The following CALN1 variants were observed in gnomAD, a reference collection of about 807,000 sequenced individuals.
The protein encoded by CALN1 is calneuron 1.
CALN1 carries 17 observed loss-of-function variants against 30.6 expected under a neutral mutation model. That is an observed-to-expected ratio of 0.56 (90% confidence interval 0.38 to 0.83). CALN1 has a LOEUF of 0.83. CALN1 is among the 40% of genes least tolerant of loss of function. CALN1 has a pLI of 0.00. For synonymous variants in CALN1, 156 were observed against 131.4 expected, an observed-to-expected ratio of 1.19 and a Z score of -1.28; for missense variants, 291 against 354.9, an observed-to-expected ratio of 0.82 and a Z score of 1.45.
At chr7:72,187,553 T>C (rs968218443) in intron 3 of CALN1, among the ~76,000 whole-genome samples, 2 of 152,114 alleles carry the variant, frequency 1.3e-5, no homozygotes, top group African/African-American at 4.8e-5. Context: ...GTGTTCCTTA[T>C]GAGAATCTAA....
At position 71,875,716 on chromosome 7, in the gene CALN1, A is replaced by G. The variant is rs150677277; in HGVS notation, c.502-65224T>C. 2.5e-3 allele frequency among the ~76,000 whole-genome samples: 374 copies of G among 152,342 alleles called. 1 individual carries two copies. Among genetic ancestry groups the G allele is most frequent in the African/African-American group, 7.9e-3 (330 of 41,586 alleles). ...ACCTGTCACTGTCTTTCTAAAGTGA[A>G]AAAGAGGTGGGGTAAGGGGGCCCAG... On this transcript the variant is annotated intron_variant, in intron 5 of 6. Coordinates refer to ENST00000395275, the MANE Select transcript of CALN1 (RefSeq NM_031468.4).
intron 3 of CALN1, among the ~76,000 whole-genome samples, chr7:72,181,172 G>A (rs904534351): frequency 2.1e-5 from 3 of 143,448 alleles, no homozygotes; most frequent in African/African-American, 7.8e-5. Flanking sequence ...AAAGTACCAT[G>A]GAAGTAAGTC....
At chr7:72,081,441 TG>T (rs1179437035) in intron 4 of CALN1, among the ~76,000 whole-genome samples, 1 of 27,706 alleles carries the variant, frequency 3.6e-5, no homozygotes, top group African/African-American at 1.4e-4. Flanking sequence ...TTGGTGTGTG[TG>T]TTTTTTTTCT....
chr7:71,866,568 GT>G (rs2116702005), intron 5 of CALN1, among the ~76,000 whole-genome samples: 1 of 152,152 alleles, frequency 6.6e-6, no homozygotes, highest in African/African-American at 2.4e-5. Flanking sequence ...GCAATATTTG[GT>G]TTTGAATTGT....
chr7:71,823,026 A>G (rs1286090714), intron 5 of CALN1, among the ~76,000 whole-genome samples: 4 of 152,216 alleles, frequency 2.6e-5, no homozygotes, highest in Admixed American at 6.5e-5. Context: ...ACACTTGTGA[A>G]TATTACATTT....
chr7:72,084,637 G>C (rs1212912615), intron 4 of CALN1, among the ~76,000 whole-genome samples: 2 of 151,894 alleles, frequency 1.3e-5, no homozygotes, highest in East Asian at 3.9e-4. Flanking sequence ...CTGGGATTAC[G>C]ATACTTTTGT....
At chr7:72,313,408 T>C (rs778783463) in intron 2 of CALN1, among the ~76,000 whole-genome samples, 31 of 152,144 alleles carry the variant, frequency 2.0e-4, no homozygotes, top group Admixed American at 2.0e-3. Context: ...AAAAAATTCT[T>C]TGAGACAGAG....
At chr7:72,203,079 C>CA (rs1281969170) in intron 3 of CALN1, among the ~76,000 whole-genome samples, 1 of 152,120 alleles carries the variant, frequency 6.6e-6, no homozygotes, top group African/African-American at 2.4e-5. Flanking sequence ...AGCCAACTAA[C>CA]ACAGGAACAG....
At chr7:72,097,864 C>T (rs1806356036) in intron 4 of CALN1, among the ~76,000 whole-genome samples, 1 of 152,056 alleles carries the variant, frequency 6.6e-6, no homozygotes, top group Non-Finnish European at 1.5e-5. Context: ...CAGGTGCCTG[C>T]CACCATGCCC....
chr7:72,050,618 A>G (rs1269818369), intron 4 of CALN1, among the ~76,000 whole-genome samples: 1 of 152,254 alleles, frequency 6.6e-6, no homozygotes, highest in Non-Finnish European at 1.5e-5. Context: ...TATCTTTTAA[A>G]GAAAATGACA....
upstream of CALN1, among the ~76,000 whole-genome samples, chr7:72,415,794 C>T (rs766813721): frequency 3.3e-5 from 5 of 151,970 alleles, no homozygotes; most frequent in Non-Finnish European, 5.9e-5. Flanking sequence ...ACGGGGGGCG[C>T]GGGGGGCATA....
At chr7:72,402,067 T>G (rs1218018542) in intron 2 of CALN1, among the ~76,000 whole-genome samples, 5 of 152,162 alleles carry the variant, frequency 3.3e-5, no homozygotes, top group Non-Finnish European at 5.9e-5. Flanking sequence ...CAACCTTCCT[T>G]GCTCTTCCTT....
intron 4 of CALN1, among the ~76,000 whole-genome samples, chr7:72,062,986 A>C (rs1429816899): frequency 6.6e-6 from 1 of 152,192 alleles, no homozygotes; most frequent in Non-Finnish European, 1.5e-5. Context: ...AGTTTATTTG[A>C]TAAGGTTAAC....
chr7:72,123,713 C>T (rs1808551217), intron 3 of CALN1, among the ~76,000 whole-genome samples: 1 of 152,130 alleles, frequency 6.6e-6, no homozygotes. Flanking sequence ...ATTTTTCAGT[C>T]CATTTGGCCT....
At chr7:71,799,175 GT>G (rs1159582735) in intron 6 of CALN1, among the ~76,000 whole-genome samples, 1 of 152,194 alleles carries the variant, frequency 6.6e-6, no homozygotes, top group Non-Finnish European at 1.5e-5. Flanking sequence ...AATATGTTGA[GT>G]TTTGTACTGA....
chr7:72,393,917 G>A (rs1037621479), intron 2 of CALN1, among the ~76,000 whole-genome samples: 2 of 151,940 alleles, frequency 1.3e-5, no homozygotes, highest in Non-Finnish European at 2.9e-5. Context: ...GCCTGGCCTC[G>A]GAGCACTCTT....
intron 3 of CALN1, among the ~76,000 whole-genome samples, chr7:72,192,637 ATT>A (rs1369263156): frequency 1.5e-4 from 2 of 13,504 alleles, no homozygotes; most frequent in African/African-American, 9.3e-4. Context: ...TATTATTATT[ATT>A]ATTATTATTA....
chr7:72,367,618 C>CTG (rs1562926274), intron 2 of CALN1, among the ~76,000 whole-genome samples: 1 of 148,186 alleles, frequency 6.7e-6, no homozygotes, highest in East Asian at 1.9e-4. Context: ...GAGCAAGACC[C>CTG]TGTCTCTACA....
intron 5 of CALN1, among the ~76,000 whole-genome samples, chr7:71,846,333 G>C (rs1267627333): frequency 6.6e-6 from 1 of 152,116 alleles, no homozygotes; most frequent in Non-Finnish European, 1.5e-5. Flanking sequence ...GGAGATGCCA[G>C]GCAGAGGTTA....
Sources: gnomAD v4.1 joint callset for allele counts (sites outside exome capture counted in the v4.1 genomes callset) on GRCh38, gnomAD v4.1.1 for gene constraint, MANE v1.5 for transcripts, NCBI Gene and HGNC (gene_info 2026-07-23, HGNC 2026-07-21) for gene names.